Variants in ELMO1 observed in about 807,000 individuals in gnomAD.
ELMO1 encodes the protein engulfment and cell motility protein 1.
A neutral mutation model predicts 98.9 loss-of-function variants in ELMO1; 26 were observed. The observed-to-expected ratio is 0.26, with a 90% CI of 0.19 to 0.36. The LOEUF is 0.36. Ranked by LOEUF, ELMO1 falls within the 10% of genes least tolerant of loss-of-function variation. The pLI is 1.00. For missense variants in ELMO1, 627 were observed against 935.2 expected, an observed-to-expected ratio of 0.67 and a Z score of 4.30; for synonymous variants, 346 against 346.0, an observed-to-expected ratio of 1.00 and a Z score of 0.00.
intron 15 of ELMO1, among the ~76,000 whole-genome samples, chr7:37,091,092 A>C (rs1482067556): frequency 6.6e-6 from 1 of 152,128 alleles, no homozygotes; most frequent in Non-Finnish European, 1.5e-5. Flanking sequence ...ACTCATCAAC[A>C]ATGTATTTAT....
chr7:37,009,218 C>G (rs1295705155), intron 16 of ELMO1, among the ~76,000 whole-genome samples: 2 of 152,156 alleles, frequency 1.3e-5, no homozygotes, highest in Non-Finnish European at 2.9e-5. Flanking sequence ...AGGTATCCAG[C>G]TGCAGTTTAG....
At chr7:37,206,128 T>C (rs1342839569) in intron 13 of ELMO1, among the ~76,000 whole-genome samples, 2 of 152,160 alleles carry the variant, frequency 1.3e-5, no homozygotes, top group African/African-American at 4.8e-5. Context: ...CTGGACGCCA[T>C]TCCAATAATA....
chr7:37,368,174 T>C, intron 1 of ELMO1, among the ~76,000 whole-genome samples: 1 of 152,174 alleles, frequency 6.6e-6, no homozygotes, highest in East Asian at 1.9e-4. Context: ...GGAAATCTCA[T>C]TCTAAACATT....
At chr7:37,322,192 T>A (rs972582872) in intron 2 of ELMO1, among the ~76,000 whole-genome samples, 1 of 151,920 alleles carries the variant, frequency 6.6e-6, no homozygotes, top group Non-Finnish European at 1.5e-5. Context: ...TTGGAAAATA[T>A]TTGGGCTGGA....
At chr7:37,293,738 A>G (rs1797880527) in intron 4 of ELMO1, among the ~76,000 whole-genome samples, 1 of 86,484 alleles carries the variant, frequency 1.2e-5, no homozygotes, top group Admixed American at 1.2e-4. Context: ...AATAATAATA[A>G]TAAAAAAAAA....
intron 5 of ELMO1, among the ~76,000 whole-genome samples, chr7:37,262,824 T>C (rs1001049896): frequency 3.9e-5 from 6 of 152,204 alleles, no homozygotes; most frequent in African/African-American, 1.4e-4. Context: ...AGGGCTGCAG[T>C]GAACTTCTCT....
intron 4 of ELMO1, among the ~76,000 whole-genome samples, chr7:37,278,565 C>T (rs554382486): frequency 1.6e-4 from 24 of 152,256 alleles, no homozygotes; most frequent in African/African-American, 5.8e-4. Flanking sequence ...CTTGAAGGAA[C>T]AAATTCTACC....
At chr7:37,007,230 A>T (rs1345890745) in intron 16 of ELMO1, among the ~76,000 whole-genome samples, 1 of 152,228 alleles carries the variant, frequency 6.6e-6, no homozygotes, top group Non-Finnish European at 1.5e-5. Context: ...AAAATGGAAA[A>T]GCTCAGTGTA....
chr7:37,371,241 G>C (rs1429951527), intron 1 of ELMO1, among the ~76,000 whole-genome samples: 3 of 152,104 alleles, frequency 2.0e-5, no homozygotes, highest in Admixed American at 6.5e-5. Context: ...AAAACAAAGA[G>C]ATTACTAATA....
chr7:37,341,809 C>T (rs1800737679), intron 2 of ELMO1, among the ~76,000 whole-genome samples: 1 of 152,112 alleles, frequency 6.6e-6, no homozygotes. Flanking sequence ...CATCTAGAAC[C>T]CTATACTATA....
chr7:37,185,238 T>C (rs965228325), intron 13 of ELMO1, among the ~76,000 whole-genome samples: 6 of 152,392 alleles, frequency 3.9e-5, no homozygotes, highest in African/African-American at 7.2e-5. Context: ...AAACTGCTTC[T>C]ATGCTTTTCA....
chr7:37,382,356 C>T (rs1317821834), intron 1 of ELMO1, among the ~76,000 whole-genome samples: 2 of 152,208 alleles, frequency 1.3e-5, no homozygotes, highest in South Asian at 2.1e-4. Context: ...ATCACAGTAA[C>T]TTTATCTCGC....
intron 16 of ELMO1, among the ~76,000 whole-genome samples, chr7:36,902,104 GC>G (rs1160631714): frequency 2.0e-5 from 3 of 152,198 alleles, no homozygotes; most frequent in Non-Finnish European, 4.4e-5. Flanking sequence ...TGTGGGGTCA[GC>G]CTTAATGTAA....
intron 1 of ELMO1, among the ~76,000 whole-genome samples, chr7:37,354,150 T>C (rs928562691): frequency 1.3e-5 from 2 of 152,252 alleles, no homozygotes; most frequent in Non-Finnish European, 2.9e-5. Flanking sequence ...ATGAGTTCTC[T>C]GAGGGTAGGA....
At chr7:37,136,921 T>C (rs1787301771) in intron 13 of ELMO1, among the ~76,000 whole-genome samples, 1 of 152,102 alleles carries the variant, frequency 6.6e-6, no homozygotes, top group African/African-American at 2.4e-5. Flanking sequence ...CACATCTCAA[T>C]ACTAGCATTG....
intron 13 of ELMO1, among the ~76,000 whole-genome samples, chr7:37,149,947 C>A (rs1788247166): frequency 6.6e-6 from 1 of 152,174 alleles, no homozygotes; most frequent in African/African-American, 2.4e-5. Flanking sequence ...AACAAATTAT[C>A]TGTCCTGCAA....
At chr7:36,969,911 G>C (rs759926412) in intron 16 of ELMO1, among the ~76,000 whole-genome samples, 2 of 150,792 alleles carry the variant, frequency 1.3e-5, no homozygotes, top group African/African-American at 2.4e-5. Context: ...TATTGTAAGG[G>C]GTTTTATTTT....
At chr7:37,253,720 TA>T (rs36042026) in intron 6 of ELMO1, among the ~76,000 whole-genome samples, 271 of 117,812 alleles carry the variant, frequency 2.3e-3, no homozygotes, top group Non-Finnish European at 2.9e-3. Context: ...GAACTTAAAG[TA>T]AAAAAAAAAA....
At chr7:37,167,478 G>A (rs1254079150) in intron 13 of ELMO1, among the ~76,000 whole-genome samples, 45 of 150,440 alleles carry the variant, frequency 3.0e-4, no homozygotes, top group Non-Finnish European at 6.5e-4. Context: ...GGCTGGTACC[G>A]GTTGTTCCTT....
Sources: allele counts gnomAD v4.1 joint callset (sites outside exome capture counted in the v4.1 genomes callset), GRCh38; gene constraint gnomAD v4.1.1; transcripts MANE v1.5; gene names NCBI Gene and HGNC (gene_info 2026-07-23, HGNC 2026-07-21).